The following PDE7B variants were observed in gnomAD, a reference collection of about 807,000 sequenced individuals.
The protein encoded by PDE7B is phosphodiesterase 7B, also known as 3',5'-cyclic-AMP phosphodiesterase 7B.
In PDE7B, 29 loss-of-function variants were observed where a neutral mutation model predicts 56.2. That is an observed-to-expected ratio of 0.52 (90% CI 0.38 to 0.70). The LOEUF is 0.70. Among genes scored for constraint, PDE7B ranks in the 30% least tolerant of loss-of-function variants. The probability of loss-of-function intolerance (pLI) is 0.00; values close to 1 mark genes in which losing one functional copy is unlikely to be tolerated. For synonymous variants in PDE7B, 197 were observed against 196.9 expected (o/e 1.00, Z 0.00); for missense variants, 490 against 565.0 (o/e 0.87, Z 1.35).
intron 2 of PDE7B, among the ~76,000 whole-genome samples, chr6:136,055,852 C>T (rs1049586466): frequency 3.3e-5 from 5 of 152,106 alleles, no homozygotes; most frequent in South Asian, 2.1e-4. Context: ...ACAGCAGAAA[C>T]GAAACAAGGT....
chr6:136,154,668 A>C (rs1474969947), intron 7 of PDE7B, among the ~76,000 whole-genome samples: 1 of 152,220 alleles, frequency 6.6e-6, no homozygotes, highest in Non-Finnish European at 1.5e-5. Flanking sequence ...GTGAATGTCA[A>C]AGACCTCTTA....
intron 10 of PDE7B, 140 bp from the exon 11 acceptor site, chr6:136,181,087 G>A: frequency 1.5e-6 from 1 of 655,266 alleles, no homozygotes; most frequent in Non-Finnish European, 2.8e-6. Context: ...TCCTGAAGAG[G>A]CATGTCAGGG....
rs9389366 is a variant in PDE7B, at chr6:136,039,132, T to A, written c.83-69599T>A. 2.0e-5 allele frequency among the ~76,000 whole-genome samples: 3 copies of A among 152,240 alleles called. No homozygotes were observed. In the East Asian group the frequency reaches 5.8e-4, roughly 29 times the overall value. On this transcript the variant is annotated intron_variant, in intron 2 of 12. Coordinates refer to ENST00000308191, the MANE Select transcript of PDE7B (RefSeq NM_018945.4). ...ATCAACTCACTCACAAATGTGGAAATAATGATTCCCAGGGACTTTGTCTTG... is the reference window on the plus strand; with the variant it reads ...ATCAACTCACTCACAAATGTGGAAAAAATGATTCCCAGGGACTTTGTCTTG...
chr6:136,076,157 A>G (rs1263140585), intron 2 of PDE7B, among the ~76,000 whole-genome samples: 1 of 152,158 alleles, frequency 6.6e-6, no homozygotes, highest in East Asian at 1.9e-4. Flanking sequence ...GTGCCTGCAG[A>G]AGAGAGAAGC....
intron 2 of PDE7B, among the ~76,000 whole-genome samples, chr6:135,989,073 T>TGATATGTTAGGA (rs1162307596): frequency 4.6e-5 from 7 of 152,214 alleles, no homozygotes; most frequent in Non-Finnish European, 8.8e-5. Context: ...CTCCTAACAA[T>TGATATGTTAGGA]GATATGTGTT....
intron 1 of PDE7B, among the ~76,000 whole-genome samples, chr6:135,940,617 C>T (rs190090417): frequency 1.3e-5 from 2 of 152,320 alleles, no homozygotes; most frequent in South Asian, 2.1e-4. Flanking sequence ...GGCCTATCTT[C>T]TAGGGATCTG....
chr6:136,112,793 TA>T (rs533196156), intron 3 of PDE7B, among the ~76,000 whole-genome samples: 1 of 152,272 alleles, frequency 6.6e-6, no homozygotes, highest in Admixed American at 6.5e-5. Flanking sequence ...TGGAAGAGAT[TA>T]TTTTTGCGGG....
intron 2 of PDE7B, among the ~76,000 whole-genome samples, chr6:136,018,183 T>G (rs906945161): frequency 3.3e-5 from 5 of 152,224 alleles, no homozygotes; most frequent in African/African-American, 1.2e-4. Context: ...ATTGGCAGGA[T>G]GGAACGATTG....
chr6:135,884,031 A>T (rs1450377189), intron 1 of PDE7B, among the ~76,000 whole-genome samples: 1 of 152,160 alleles, frequency 6.6e-6, no homozygotes, highest in Non-Finnish European at 1.5e-5. Context: ...TATTTTATAA[A>T]TGTTTCATGT....
chr6:135,961,267 G>A (rs1774894993), intron 2 of PDE7B, among the ~76,000 whole-genome samples: 1 of 142,358 alleles, frequency 7.0e-6, no homozygotes, highest in Non-Finnish European at 1.5e-5. Context: ...GTGTGTGTGT[G>A]TGTGTGTGTG....
At position 136,128,673 on chromosome 6, in the gene PDE7B, C is replaced by T. The variant is rs1778064914; in HGVS notation, c.167-18678C>T. The stretch of plus-strand genomic sequence containing the variant: ...GATTATAGGTAAATAAGGCATAGGC[C>T]CTGCCCTCAAGGAACTAACAGTTTA... On this transcript the variant is annotated intron_variant, in intron 3 of 12. Transcript: ENST00000308191. Among the ~76,000 whole-genome samples the T allele has an allele frequency of 3.3e-5, 5 of 152,074 alleles. No homozygotes were observed. The South Asian group carries it at 1.0e-3, about 32-fold the overall frequency.
At chr6:136,123,587 G>A (rs1251172716) in intron 3 of PDE7B, among the ~76,000 whole-genome samples, 1 of 152,120 alleles carries the variant, frequency 6.6e-6, no homozygotes, top group Non-Finnish European at 1.5e-5. Context: ...CTCTTCGCTG[G>A]GAATTGCCAA....
intron 2 of PDE7B, among the ~76,000 whole-genome samples, chr6:136,058,166 G>C (rs544025890): frequency 6.6e-6 from 1 of 152,212 alleles, no homozygotes; most frequent in East Asian, 1.9e-4. Flanking sequence ...CACCAGATAG[G>C]GGGGAACTCA....
At chr6:136,149,664 A>T (rs1314959462) in intron 5 of PDE7B, among the ~76,000 whole-genome samples, 1 of 152,212 alleles carries the variant, frequency 6.6e-6, no homozygotes, top group African/African-American at 2.4e-5. Context: ...AAAAGCAAAC[A>T]TCTTCACTGG....
chr6:136,127,874 A>C (rs1207666593), intron 3 of PDE7B, among the ~76,000 whole-genome samples: 3 of 152,358 alleles, frequency 2.0e-5, no homozygotes, highest in East Asian at 3.9e-4. Context: ...AAACACATTA[A>C]TGAAAACTTT....
At chr6:135,904,363 A>G (rs1439093781) in intron 1 of PDE7B, among the ~76,000 whole-genome samples, 1 of 152,184 alleles carries the variant, frequency 6.6e-6, no homozygotes, top group Non-Finnish European at 1.5e-5. Context: ...CATATGAAAA[A>G]TGGGAATCAC....
At chr6:136,145,771 C>G (rs563499457) in intron 3 of PDE7B, among the ~76,000 whole-genome samples, 1 of 152,134 alleles carries the variant, frequency 6.6e-6, no homozygotes, top group Non-Finnish European at 1.5e-5. Flanking sequence ...CCCTACTTTT[C>G]TCTAAACCCA....
chr6:136,017,579 GAA>G (rs1775997789), intron 2 of PDE7B, among the ~76,000 whole-genome samples: 1 of 147,844 alleles, frequency 6.8e-6, no homozygotes, highest in Non-Finnish European at 1.5e-5. Flanking sequence ...CTATGAGTAA[GAA>G]CATGCGGTGT....
At chr6:136,085,111 G>A (rs1024346263) in intron 2 of PDE7B, among the ~76,000 whole-genome samples, 3 of 152,090 alleles carry the variant, frequency 2.0e-5, no homozygotes, top group Non-Finnish European at 2.9e-5. Flanking sequence ...CATCCTAGTC[G>A]AGCCTCACCG....
Sources: allele counts gnomAD v4.1 joint callset (sites outside exome capture counted in the v4.1 genomes callset), GRCh38; gene constraint gnomAD v4.1.1; transcripts MANE v1.5; gene names NCBI Gene and HGNC (gene_info 2026-07-23, HGNC 2026-07-21).